BRINP1: variants seen among roughly 807,000 people sequenced by gnomAD.
The protein encoded by BRINP1 is BMP/retinoic acid-inducible neural-specific protein 1.
Under a neutral mutation model 72.9 loss-of-function variants are expected in BRINP1, and 17 were observed. The observed-to-expected ratio is 0.23, with a 90% confidence interval of 0.16 to 0.35. BRINP1 has a LOEUF of 0.35. BRINP1 is among the 10% of genes least tolerant of loss of function. BRINP1 has a pLI of 1.00. For synonymous variants in BRINP1, 418 were observed against 378.5 expected (o/e 1.10, Z -1.21); for missense variants, 850 against 1,001.6 (o/e 0.85, Z 2.04).
chr9:119,237,653 C>T (rs1209381462), intron 5 of BRINP1, among the ~76,000 whole-genome samples: 5 of 151,316 alleles, frequency 3.3e-5, no homozygotes, highest in Non-Finnish European at 5.9e-5. Context: ...TGAGCCACCG[C>T]GCCTGGCCAT....
At chr9:119,286,489 C>T (rs1194148566) in intron 2 of BRINP1, among the ~76,000 whole-genome samples, 1 of 152,232 alleles carries the variant, frequency 6.6e-6, no homozygotes, top group Non-Finnish European at 1.5e-5. Context: ...CCACCTCGGC[C>T]TCCCAAAGTG....
intron 1 of BRINP1, among the ~76,000 whole-genome samples, chr9:119,353,179 T>C (rs1831522586): frequency 6.6e-6 from 1 of 152,220 alleles, no homozygotes; most frequent in Non-Finnish European, 1.5e-5. Context: ...TCCCAGCATC[T>C]AGCACAAGGC....
At chr9:119,367,219 T>TATATATATATATATATATA (rs1219045184) in intron 1 of BRINP1, among the ~76,000 whole-genome samples, 5 of 56,510 alleles carry the variant, frequency 8.8e-5, no homozygotes, top group Admixed American at 2.1e-4. Flanking sequence ...GTGTGTGTGA[T>TATATATATATATATATATA]TGATATATAT....
intron 5 of BRINP1, among the ~76,000 whole-genome samples, chr9:119,228,027 T>C (rs1405969728): frequency 1.3e-5 from 2 of 152,050 alleles, no homozygotes; most frequent in Admixed American, 1.3e-4. Flanking sequence ...TTGAAAATAG[T>C]CATCTTCGCT....
intron 1 of BRINP1, among the ~76,000 whole-genome samples, chr9:119,358,260 T>C (rs1587972524): frequency 6.6e-6 from 1 of 151,976 alleles, no homozygotes; most frequent in East Asian, 1.9e-4. Flanking sequence ...TACTTTCCCA[T>C]ATGCACCTGA....
chr9:119,286,377 C>G (rs1029729097), intron 2 of BRINP1, among the ~76,000 whole-genome samples: 1 of 151,972 alleles, frequency 6.6e-6, no homozygotes, highest in Non-Finnish European at 1.5e-5. Flanking sequence ...GGACTACAGG[C>G]GCCTGCCACC....
At chr9:119,257,520 T>C (rs1337384437) in intron 2 of BRINP1, among the ~76,000 whole-genome samples, 2 of 152,210 alleles carry the variant, frequency 1.3e-5, no homozygotes, top group East Asian at 3.9e-4. Context: ...ATTACAGTGA[T>C]GGGATGTTTG....
intron 5 of BRINP1, among the ~76,000 whole-genome samples, chr9:119,229,423 A>T (rs1830126064): frequency 6.6e-6 from 1 of 152,142 alleles, no homozygotes; most frequent in South Asian, 2.1e-4. Context: ...GCAGTAACTT[A>T]TCTGAAACCT....
At chr9:119,326,516 T>C (rs1831241722) in intron 1 of BRINP1, among the ~76,000 whole-genome samples, 1 of 152,234 alleles carries the variant, frequency 6.6e-6, no homozygotes, top group Admixed American at 6.5e-5. Context: ...TAAACCTAAG[T>C]TATGTATAGC....
intron 1 of BRINP1, among the ~76,000 whole-genome samples, chr9:119,355,499 T>C (rs1360294944): frequency 3.9e-5 from 6 of 152,038 alleles, no homozygotes; most frequent in Admixed American, 2.6e-4. Flanking sequence ...GAGGCCAAGG[T>C]GGGCGAATCA....
chr9:119,168,988 A>AC (rs748545145), intron 7 of BRINP1, among the ~76,000 whole-genome samples: 5 of 152,196 alleles, frequency 3.3e-5, no homozygotes, highest in Non-Finnish European at 5.9e-5. Flanking sequence ...TTGGGTATAT[A>AC]CCCAAAGGAT....
At chr9:119,231,298 T>G (rs1269601512) in intron 5 of BRINP1, among the ~76,000 whole-genome samples, 1 of 152,038 alleles carries the variant, frequency 6.6e-6, no homozygotes, top group Non-Finnish European at 1.5e-5. Context: ...GAATATGTGC[T>G]CCTATCTAAG....
chr9:119,263,826 T>G (rs1240776362), intron 2 of BRINP1, among the ~76,000 whole-genome samples: 1 of 152,050 alleles, frequency 6.6e-6, no homozygotes, highest in Admixed American at 6.6e-5. Context: ...GCCAGGATGG[T>G]CTCGATCTCC....
In BRINP1 at chr9:119,167,909, C is replaced by T; in HGVS notation, c.1461G>A (p.Glu487=). Residue 487 remains glutamate (E), a synonymous_variant, in exon 8 of 8, where the codon GAG becomes GAA. Transcript: ENST00000265922. The surrounding 1 kb of genome is among the most constrained non-coding windows in gnomAD (Gnocchi z 4.3). ...FETDLDFQDL[E]LKYLLQKMDS... ...CCATCTTCTGCAGCAGGTACTTCAG[C>T]TCCAGGTCCTGGAAGTCCAGGTCAG... 6.2e-7 allele frequency: 1 copy of T among 1,614,208 alleles called. No individual in the cohort carries two copies.
intron 5 of BRINP1, among the ~76,000 whole-genome samples, chr9:119,231,440 A>G (rs1830148145): frequency 6.6e-6 from 1 of 152,074 alleles, no homozygotes; most frequent in Non-Finnish European, 1.5e-5. Flanking sequence ...ATTAGACAAA[A>G]GTTTTGTTGC....
At chr9:119,191,828 C>T (rs1588159720) in intron 7 of BRINP1, among the ~76,000 whole-genome samples, 1 of 151,886 alleles carries the variant, frequency 6.6e-6, no homozygotes, top group African/African-American at 2.4e-5. Flanking sequence ...AAGGAGGCAT[C>T]GTGCTTCCTG....
Position 119,369,310 on chromosome 9 carries a change from C to G in BRINP1, c.-305G>C, listed in dbSNP as rs1831730276. 2.5e-6 allele frequency: 1 copy of G among 398,926 alleles called. No individual in the cohort carries two copies. The highest frequency in any genetic ancestry group is 3.6e-5 in the East Asian group (1 of 28,054). The allele number at this position is 398,926 out of a possible 1,614,324, so 24.7% of individuals were successfully genotyped here. On this transcript the variant is annotated 5_prime_UTR_variant, in exon 1 of 8. Transcript: ENST00000265922. ...CCCTCTGCCTCCCGGCTCTCTCGCT[C>G]TCGCTCTCGCTGTTGCTCGCTCGCT...
chr9:119,196,752 T>C (rs979936916), intron 7 of BRINP1, among the ~76,000 whole-genome samples: 2 of 152,226 alleles, frequency 1.3e-5, no homozygotes, highest in Non-Finnish European at 2.9e-5. Context: ...AGCACATTGC[T>C]TGCCAATATT....
At position 119,294,061 on chromosome 9, in the gene BRINP1, A is replaced by G. The variant is rs527522699; in HGVS notation, c.218+19077T>C. Among the ~76,000 whole-genome samples, 180 of 152,354 alleles carry G rather than the reference A, an allele frequency of 1.2e-3. 3 individuals are homozygous for G. The South Asian group carries it at 0.036, about 30-fold the overall frequency. On this transcript the variant is annotated intron_variant, in intron 2 of 7. Transcript: ENST00000265922. ...AATGGTACAACTTATAAATAAATTT[A>G]ATGAAGTTGAAGATACAAAATAAAC...
Sources: gnomAD v4.1 joint callset for allele counts (sites outside exome capture counted in the v4.1 genomes callset) on GRCh38, gnomAD v4.1.1 for gene constraint, Gnocchi (gnomAD v3.1) non-coding constraint, MANE v1.5 for transcripts, NCBI Gene and HGNC (gene_info 2026-07-23, HGNC 2026-07-21) for gene names.